The following PRKG2 variants were observed in gnomAD, a reference collection of about 807,000 sequenced individuals.
The protein encoded by PRKG2 is protein kinase cGMP-dependent 2, also known as cGMP-dependent protein kinase 2.
PRKG2 carries 33 observed loss-of-function variants against 97.2 expected under a neutral mutation model. The ratio of observed to expected loss-of-function variants is 0.34; its 90% confidence interval spans 0.26 to 0.45. The LOEUF (loss-of-function observed/expected upper bound fraction) is 0.45. PRKG2 is among the 20% of genes least tolerant of loss of function. The pLI, the probability that PRKG2 is intolerant of heterozygous loss-of-function variation, is 1.00. For synonymous variants in PRKG2, 330 were observed against 321.8 expected, an observed-to-expected ratio of 1.03 and a Z score of -0.27; for missense variants, 638 against 900.0, an observed-to-expected ratio of 0.71 and a Z score of 3.73.
intron 14 of PRKG2, among the ~76,000 whole-genome samples, chr4:81,125,539 C>T (rs1443319318): frequency 6.6e-6 from 1 of 152,014 alleles, no homozygotes; most frequent in African/African-American, 2.4e-5. Flanking sequence ...TTGGCTGTTT[C>T]GAATTTGGGG....
At chr4:81,144,374 C>T in intron 9 of PRKG2, 44 bp from the exon 10 acceptor site, 2 of 1,472,192 alleles carry the variant, frequency 1.4e-6, no homozygotes, top group Admixed American at 1.7e-5. Context: ...CTGATAGTTA[C>T]CAAGGCAACT....
intron 2 of PRKG2, among the ~76,000 whole-genome samples, chr4:81,195,159 A>G (rs1439751455): frequency 1.3e-5 from 2 of 152,196 alleles, no homozygotes; most frequent in Non-Finnish European, 2.9e-5. Flanking sequence ...AGGCTCATCA[A>G]TTAATCAATC....
At chr4:81,158,556 C>G (rs1048053699) in intron 6 of PRKG2, among the ~76,000 whole-genome samples, 1 of 152,138 alleles carries the variant, frequency 6.6e-6, no homozygotes, top group African/African-American at 2.4e-5. Context: ...CCATCCCCAT[C>G]AAGCTACCAA....
chr4:81,158,156 G>A (rs1415749867), intron 6 of PRKG2, among the ~76,000 whole-genome samples: 2 of 145,316 alleles, frequency 1.4e-5, no homozygotes, highest in African/African-American at 5.7e-5. Flanking sequence ...GTTTGCAGAC[G>A]ATATGATTGT....
At chr4:81,099,513 C>G (rs535365498) in intron 17 of PRKG2, among the ~76,000 whole-genome samples, 1 of 152,130 alleles carries the variant, frequency 6.6e-6, no homozygotes, top group Non-Finnish European at 1.5e-5. Context: ...AATTCAACAA[C>G]GCTTCATGCT....
chr4:81,107,715 G>C (rs1021415856), intron 15 of PRKG2, among the ~76,000 whole-genome samples: 4 of 151,962 alleles, frequency 2.6e-5, no homozygotes, highest in African/African-American at 9.7e-5. Flanking sequence ...GTTTCACCAT[G>C]TTGGCCAGGA....
At chr4:81,158,706 G>C (rs1364805850) in intron 6 of PRKG2, among the ~76,000 whole-genome samples, 7 of 152,076 alleles carry the variant, frequency 4.6e-5, no homozygotes, top group Non-Finnish European at 8.8e-5. Context: ...TATACTACAA[G>C]GCTATAGTAA....
chr4:81,188,385 G>C (rs1166696675), intron 2 of PRKG2, among the ~76,000 whole-genome samples: 1 of 146,872 alleles, frequency 6.8e-6, no homozygotes, highest in Non-Finnish European at 1.5e-5. Context: ...AGGTGCTGGA[G>C]AGGATGTGGA....
chr4:81,091,129 C>A (rs1741488118), intron 18 of PRKG2, among the ~76,000 whole-genome samples: 1 of 151,904 alleles, frequency 6.6e-6, no homozygotes, highest in Non-Finnish European at 1.5e-5. Flanking sequence ...TTATAGGGAA[C>A]ATAGAATGAA....
intron 14 of PRKG2, among the ~76,000 whole-genome samples, chr4:81,132,770 T>C (rs1270360927): frequency 6.6e-6 from 1 of 152,214 alleles, no homozygotes; most frequent in Non-Finnish European, 1.5e-5. Flanking sequence ...TCTTATTAGA[T>C]GCTTTGTTAG....
chr4:81,213,484 G>T lies in PRKG2; in HGVS notation c.-14+1452C>A, dbSNP rs370051371. Among the ~76,000 whole-genome samples the T allele has an allele frequency of 6.6e-5, 10 of 152,256 alleles. No individual in the cohort carries two copies. In the East Asian group the frequency reaches 1.7e-3, roughly 26 times the overall value. The stretch of plus-strand genomic sequence containing the variant: ...ATCCCACAGGCCTGTCACAGCAAAT[G>T]AGATCAGAGAGAAAAGTGCTGAATC... On this transcript the variant is annotated intron_variant, in intron 1 of 18. Transcript: ENST00000264399.
intron 2 of PRKG2, among the ~76,000 whole-genome samples, chr4:81,185,828 C>T (rs1208997903): frequency 6.6e-6 from 1 of 152,090 alleles, no homozygotes; most frequent in Non-Finnish European, 1.5e-5. Context: ...CAATCATAGT[C>T]TCTGATAAAA....
chr4:81,111,917 GCATTTCA>G (rs1371783887), intron 14 of PRKG2, among the ~76,000 whole-genome samples: 1 of 152,124 alleles, frequency 6.6e-6, no homozygotes, highest in African/African-American at 2.4e-5. Context: ...CTGGGCTTCA[GCATTTCA>G]CATTTCACAT....
At chr4:81,156,150 T>G (rs1008615955) in intron 6 of PRKG2, among the ~76,000 whole-genome samples, 2 of 151,878 alleles carry the variant, frequency 1.3e-5, no homozygotes, top group African/African-American at 4.8e-5. Context: ...GGATAAAGAG[T>G]CAAGACCCAT....
chr4:81,167,326 A>G, intron 5 of PRKG2, 102 bp from the exon 6 acceptor site: 1 of 660,370 alleles, frequency 1.5e-6, no homozygotes, highest in East Asian at 3.0e-5. Context: ...AAAAAATATA[A>G]TGCACTTTGA....
At chr4:81,093,404 CAA>C (rs1553916581) in intron 17 of PRKG2, among the ~76,000 whole-genome samples, 1,534 of 144,988 alleles carry the variant, frequency 0.011, 40 homozygotes, top group African/African-American at 0.039. Flanking sequence ...CACACACACA[CAA>C]GCTTCTTATC....
At chr4:81,181,224 AAATT>A (rs1255023084) in intron 2 of PRKG2, among the ~76,000 whole-genome samples, 2 of 152,148 alleles carry the variant, frequency 1.3e-5, no homozygotes, top group African/African-American at 2.4e-5. Flanking sequence ...ATAAAGCTAG[AAATT>A]AATAACAGAA....
chr4:81,204,198 A>G (rs1253370537), intron 2 of PRKG2, among the ~76,000 whole-genome samples: 2 of 151,990 alleles, frequency 1.3e-5, no homozygotes. Context: ...TGACACTTGA[A>G]GACTACTAAA....
intron 3 of PRKG2, among the ~76,000 whole-genome samples, chr4:81,172,870 C>T (rs1261628312): frequency 6.6e-6 from 1 of 151,772 alleles, no homozygotes; most frequent in African/African-American, 2.4e-5. Flanking sequence ...ATAGAGAGGA[C>T]AAAAGAGAAG....
Sources: allele counts gnomAD v4.1 joint callset (sites outside exome capture counted in the v4.1 genomes callset), GRCh38; gene constraint gnomAD v4.1.1; transcripts MANE v1.5; gene names NCBI Gene and HGNC (gene_info 2026-07-23, HGNC 2026-07-21).